ALX4: variants seen among roughly 807,000 people sequenced by gnomAD.
ALX4 encodes ALX homeobox 4.
ALX4 carries 22 observed loss-of-function variants against 40.6 expected under a neutral mutation model. The ratio of observed to expected loss-of-function variants is 0.54; its 90% confidence interval spans 0.39 to 0.77. The LOEUF is 0.77. Among genes scored for constraint, ALX4 ranks in the 30% least tolerant of loss-of-function variants. The probability of loss-of-function intolerance (pLI) is 0.00; values close to 1 mark genes in which losing one functional copy is unlikely to be tolerated. For missense variants in ALX4, 556 were observed against 564.8 expected (o/e 0.98, Z 0.16); for synonymous variants, 266 against 240.5 (o/e 1.11, Z -0.98).
chr11:44,263,732 C>A lies in ALX4; in HGVS notation c.*1122G>T, dbSNP rs1056695823. 6.6e-6 allele frequency: 1 copy of A among 152,366 alleles called. No individual in the cohort carries two copies. Among genetic ancestry groups the A allele is most frequent in the Non-Finnish European group, 1.5e-5 (1 of 68,140 alleles). 9.4% of individuals were successfully genotyped at this position (152,366 alleles called of 1,614,324 possible). ...GGCCTGGAGGCCGAGCATGGCCACA[C>A]GTCCTCTAGCAAAGCCTGCACGCAG... On this transcript the variant is annotated 3_prime_UTR_variant, in exon 4 of 4. Coordinates refer to ENST00000652299, the MANE Select transcript of ALX4 (RefSeq NM_021926.4).
chr11:44,298,491 C>T (rs1470229581), intron 1 of ALX4, among the ~76,000 whole-genome samples: 1 of 152,152 alleles, frequency 6.6e-6, no homozygotes, highest in African/African-American at 2.4e-5. Flanking sequence ...AGCTCTCAGG[C>T]AGCACCCTGG....
rs775689545 is a variant in ALX4 at position 44,265,015 on chromosome 11, C to T, written c.1075G>A (p.Val359Met). ...AGGCTGCCCATGTGCGTCTGGCCCACGTGACTGCCAGCCCCAGACACACTC... is the reference window on the plus strand; with the variant it reads ...AGGCTGCCCATGTGCGTCTGGCCCATGTGACTGCCAGCCCCAGACACACTC... ...FLSVSGAGSHVGQTHMGSLFG... is the reference protein window; with the variant it reads ...FLSVSGAGSHMGQTHMGSLFG... The change falls in exon 4 of 4, where the codon GTG becomes ATG. Residue 359 changes from valine (V) to methionine (M), a missense_variant. Physicochemically the swap from Val to Met is conservative, Grantham distance 21. Coordinates refer to ENST00000652299, the MANE Select transcript of ALX4 (RefSeq NM_021926.4). The T allele has an allele frequency of 8.7e-6, 14 of 1,613,116 alleles. No individual in the cohort carries two copies. In the Middle Eastern group the frequency reaches 4.9e-4, roughly 57 times the overall value.
rs78071314 is a variant in ALX4 at position 44,265,308 on chromosome 11, T to C, written c.907-125A>G. 3.0e-3 allele frequency: 2,885 copies of C among 975,684 alleles called. 59 individuals are homozygous for C. The African/African-American group carries it at 0.041, about 14-fold the overall frequency. 60.4% of individuals were successfully genotyped at this position (975,684 alleles called of 1,614,324 possible). ...CTTCCCATGAAGCCCCTCTTGAGTG[T>C]TTAGCCTTGATGGACATCCAGATAC... On this transcript the variant is annotated intron_variant, in intron 3 of 3. Transcript: ENST00000652299.
chr11:44,291,418 C>CTTTTCTT (rs1956368536), intron 1 of ALX4, among the ~76,000 whole-genome samples: 2 of 148,950 alleles, frequency 1.3e-5, no homozygotes, highest in African/African-American at 4.9e-5. Flanking sequence ...TTCTTTCTTT[C>CTTTTCTT]TTTTTTTGGA....
chr11:44,309,704 G>C lies in ALX4; in HGVS notation c.359C>G (p.Pro120Arg). 1 of 1,582,668 alleles carries C rather than the reference G, an allele frequency of 6.3e-7. No individual in the cohort carries two copies. The highest frequency in any genetic ancestry group is 8.6e-7 in the Non-Finnish European group (1 of 1,166,894). The change falls in exon 1 of 4, where the codon CCG (proline) becomes CGG (arginine). Residue 120 changes from proline to arginine, a missense_variant. By Grantham distance (103) the Pro-to-Arg change is moderately radical (BLOSUM62 -2). Coordinates refer to ENST00000652299, the MANE Select transcript of ALX4 (RefSeq NM_021926.4). ...QQPQPQPPAQ[P>R]HLYLQRGACK... ...GGCGCCTCGCTGCAAGTAAAGATGCGGTTGCGCGGGCGGCTGGGGCTGCGG... is the reference window on the plus strand; with the variant it reads ...GGCGCCTCGCTGCAAGTAAAGATGCCGTTGCGCGGGCGGCTGGGGCTGCGG...
At chr11:44,301,994 C>T (rs927983366) in intron 1 of ALX4, among the ~76,000 whole-genome samples, 1 of 152,100 alleles carries the variant, frequency 6.6e-6, no homozygotes, top group Non-Finnish European at 1.5e-5. Flanking sequence ...TGGGCCCCAC[C>T]GGGGACTTGC....
chr11:44,289,641 TG>T (rs1956358333), intron 1 of ALX4, among the ~76,000 whole-genome samples: 1 of 152,204 alleles, frequency 6.6e-6, no homozygotes, highest in Non-Finnish European at 1.5e-5. Flanking sequence ...GCTGAGCCAC[TG>T]GGGTCATTTC....
At chr11:44,305,859 G>C (rs1956463936) in intron 1 of ALX4, among the ~76,000 whole-genome samples, 1 of 152,266 alleles carries the variant, frequency 6.6e-6, no homozygotes, top group Non-Finnish European at 1.5e-5. Context: ...CGAAAGGGAA[G>C]GGAGAAGAGG....
intron 1 of ALX4, among the ~76,000 whole-genome samples, chr11:44,301,851 C>T (rs1044677718): frequency 5.3e-5 from 8 of 152,334 alleles, no homozygotes; most frequent in African/African-American, 9.6e-5. Context: ...GCCAAGGACA[C>T]GTCTCTTCCG....
intron 1 of ALX4, among the ~76,000 whole-genome samples, chr11:44,292,387 T>A (rs1273201926): frequency 4.8e-5 from 7 of 145,634 alleles, no homozygotes; most frequent in African/African-American, 1.3e-4. Flanking sequence ...ATTTTTTTTT[T>A]TTTTTTTTTT....
At chr11:44,285,425 A>G (rs1401714869) in intron 1 of ALX4, among the ~76,000 whole-genome samples, 1 of 152,196 alleles carries the variant, frequency 6.6e-6, no homozygotes, top group Non-Finnish European at 1.5e-5. Flanking sequence ...CTTGTTTGAA[A>G]TCATAGCAGG....
Position 44,309,736 on chromosome 11 carries a change from C to T in ALX4, c.327G>A (p.Gln109=), listed in dbSNP as rs1427499979. ...PQPPPQPQPQ[Q]QQPQPQPPAQ... is the part of the protein sequence containing the mutation. ...CGGGCGGCTGGGGCTGCGGCTGCTG[C>T]TGCTGCGGCTGCGGCTGCGGCGGCG... The change falls in exon 1 of 4, where the codon CAG becomes CAA. Residue 109 remains glutamine, a synonymous_variant. Coordinates refer to ENST00000652299, the MANE Select transcript of ALX4 (RefSeq NM_021926.4). 1.3e-6 allele frequency: 2 copies of T among 1,554,442 alleles called. No homozygotes were observed. The highest frequency in any genetic ancestry group is 3.8e-5 in the Admixed American group (2 of 52,448).
In ALX4 at chr11:44,309,602, C is replaced by A. The variant is rs1287276795; in HGVS notation, c.461G>T (p.Cys154Phe). The change falls in exon 1 of 4, where the codon TGC becomes TTC. Residue 154 changes from cysteine (C) to phenylalanine (F), a missense_variant. Coordinates refer to ENST00000652299, the MANE Select transcript of ALX4 (RefSeq NM_021926.4). ...SGHSAALQVP[C>F]YAKESSLGEP... Reference sequence around the variant, plus strand: ...TGACCCGCACGTGCACTCACCGTAGCAGGGAACCTGCAAGGCCGCGCTGTG... The same window carrying A: ...TGACCCGCACGTGCACTCACCGTAGAAGGGAACCTGCAAGGCCGCGCTGTG... The A allele has an allele frequency of 1.3e-6, 2 of 1,584,312 alleles. No homozygotes were observed. The highest frequency in any genetic ancestry group is 1.7e-6 in the Non-Finnish European group (2 of 1,173,784).
intron 1 of ALX4, among the ~76,000 whole-genome samples, chr11:44,280,420 G>A (rs77514995): frequency 0.035 from 5,367 of 152,262 alleles, 117 homozygotes; most frequent in African/African-American, 0.04. Context: ...AGAGCCTTGG[G>A]GCACCTCGTG....
chr11:44,268,794 C>A (rs1956228174), intron 2 of ALX4, among the ~76,000 whole-genome samples: 1 of 152,150 alleles, frequency 6.6e-6, no homozygotes, highest in Admixed American at 6.5e-5. Context: ...GACCGTGGTG[C>A]TCCTCAGAGG....
intron 3 of ALX4, among the ~76,000 whole-genome samples, chr11:44,265,922 C>T (rs1956211152): frequency 6.6e-6 from 1 of 152,140 alleles, no homozygotes; most frequent in African/African-American, 2.4e-5. Context: ...ACCTGGGGCT[C>T]CCATCTTCCT....
chr11:44,286,092 T>C (rs1080540), intron 1 of ALX4, among the ~76,000 whole-genome samples: 3,924 of 152,298 alleles, frequency 0.026, 169 homozygotes, highest in African/African-American at 0.09. Context: ...CCCCAGGCCC[T>C]GGAGCTGGGC....
intron 1 of ALX4, among the ~76,000 whole-genome samples, chr11:44,309,014 G>C (rs1192352188): frequency 1.3e-5 from 2 of 152,230 alleles, no homozygotes; most frequent in Non-Finnish European, 2.9e-5. Flanking sequence ...GCGCCAGTGC[G>C]CCTGGATTTC....
chr11:44,294,282 ATGGGGCCCAGGAAGC>A (rs1400894681), intron 1 of ALX4, among the ~76,000 whole-genome samples: 1 of 152,194 alleles, frequency 6.6e-6, no homozygotes, highest in African/African-American at 2.4e-5. Context: ...TTAATTGCAG[ATGGGGCCCAGGAAGC>A]TGGGGCCCAG....
Sources: allele counts gnomAD v4.1 joint callset (sites outside exome capture counted in the v4.1 genomes callset), GRCh38; gene constraint gnomAD v4.1.1; transcripts MANE v1.5; gene names NCBI Gene and HGNC (gene_info 2026-07-23, HGNC 2026-07-21).